PEAK1: variants seen among roughly 807,000 people sequenced by gnomAD.
The protein encoded by PEAK1 is pseudopodium enriched atypical kinase 1.
A neutral mutation model predicts 124.7 loss-of-function variants in PEAK1; 54 were observed. The observed-to-expected ratio is 0.43, with a 90% CI of 0.35 to 0.54. The LOEUF (loss-of-function observed/expected upper bound fraction) is 0.54. Ranked by LOEUF, PEAK1 falls within the 20% of genes least tolerant of loss-of-function variation. PEAK1 has a pLI of 0.01. For synonymous variants in PEAK1, 719 were observed against 760.0 expected, an observed-to-expected ratio of 0.95 and a Z score of 0.89; for missense variants, 2,046 against 2,134.5, an observed-to-expected ratio of 0.96 and a Z score of 0.82.
chr15:77,311,363 A>G lies in PEAK1; in HGVS notation c.-602-24859T>C, dbSNP rs74248525. 1.6e-3 allele frequency among the ~76,000 whole-genome samples: 249 copies of G among 152,254 alleles called. 7 individuals carry two copies. The East Asian group carries it at 0.043, about 26-fold the overall frequency. ...ATTTCAGGGTTGAAGGAATGTTCGGAAATAAATGAGGACATAGAAAATTAA... is the reference window on the plus strand; with the variant it reads ...ATTTCAGGGTTGAAGGAATGTTCGGGAATAAATGAGGACATAGAAAATTAA... On this transcript the variant is annotated intron_variant, in intron 2 of 9. Coordinates refer to ENST00000682557, the MANE Select transcript of PEAK1 (RefSeq NM_001385026.1).
intron 2 of PEAK1, chr15:77,348,672 T>C (rs1463546725): frequency 1.0e-6 from 1 of 985,298 alleles, no homozygotes; most frequent in Non-Finnish European, 1.2e-6. Context: ...ATCCAATTGA[T>C]GTCCATGATA....
chr15:77,228,212 C>T (rs1307807805), intron 6 of PEAK1, among the ~76,000 whole-genome samples: 1 of 151,956 alleles, frequency 6.6e-6, no homozygotes, highest in Non-Finnish European at 1.5e-5. Context: ...GTGTGCTGCA[C>T]CCATTAACTC....
chr15:77,295,718 C>T (rs903793893), intron 2 of PEAK1, among the ~76,000 whole-genome samples: 1 of 152,098 alleles, frequency 6.6e-6, no homozygotes, highest in Admixed American at 6.5e-5. Flanking sequence ...CTTATAGTTG[C>T]GGAACATCTA....
chr15:77,235,120 C>T (rs1019300860), intron 6 of PEAK1, among the ~76,000 whole-genome samples: 1 of 152,048 alleles, frequency 6.6e-6, no homozygotes, highest in Admixed American at 6.6e-5. Flanking sequence ...GTAAATTAAG[C>T]CTCTTTCCTT....
At chr15:77,277,436 G>A (rs2062393155) in intron 5 of PEAK1, among the ~76,000 whole-genome samples, 1 of 152,076 alleles carries the variant, frequency 6.6e-6, no homozygotes, top group South Asian at 2.1e-4. Flanking sequence ...ACCAAAGAAC[G>A]ATATACTACT....
chr15:77,161,647 C>G (rs956944518), intron 7 of PEAK1, among the ~76,000 whole-genome samples: 4 of 152,092 alleles, frequency 2.6e-5, no homozygotes, highest in Admixed American at 2.0e-4. Context: ...TGTCTTAATG[C>G]TTAAAGGAAG....
intron 2 of PEAK1, chr15:77,352,616 ATACTC>A: frequency 1.1e-6 from 1 of 950,708 alleles, no homozygotes; most frequent in Non-Finnish European, 1.3e-6. Context: ...ACTTCATACC[ATACTC>A]ATGAATAACT....
intron 7 of PEAK1, among the ~76,000 whole-genome samples, chr15:77,176,092 T>G (rs1433319196): frequency 6.7e-6 from 1 of 148,562 alleles, no homozygotes; most frequent in Non-Finnish European, 1.5e-5. Context: ...TCACACTCTG[T>G]GGACTGTTGT....
intron 6 of PEAK1, among the ~76,000 whole-genome samples, chr15:77,184,463 C>T (rs150479204): frequency 1.1e-3 from 165 of 152,250 alleles, no homozygotes; most frequent in African/African-American, 3.5e-3. Context: ...AATCCCACTC[C>T]TAGGTATTTA....
chr15:77,334,732 T>C, intron 2 of PEAK1: 1 of 985,006 alleles, frequency 1.0e-6, no homozygotes, highest in Non-Finnish European at 1.2e-6. Context: ...ATATTCTTGC[T>C]GTTTGTACAA....
intron 2 of PEAK1, among the ~76,000 whole-genome samples, chr15:77,322,079 A>C (rs2065256152): frequency 6.6e-6 from 1 of 152,232 alleles, no homozygotes; most frequent in Admixed American, 6.5e-5. Context: ...CTTTGAAACC[A>C]ACGAGAACAA....
At chr15:77,263,293 C>CA (rs1183463596) in intron 5 of PEAK1, among the ~76,000 whole-genome samples, 2 of 151,952 alleles carry the variant, frequency 1.3e-5, no homozygotes, top group African/African-American at 4.8e-5. Flanking sequence ...AAAAACACTT[C>CA]AAAAAAATCA....
At chr15:77,143,726 C>T (rs767737974) in intron 8 of PEAK1, among the ~76,000 whole-genome samples, 47 of 152,180 alleles carry the variant, frequency 3.1e-4, no homozygotes, top group Non-Finnish European at 6.2e-4. Context: ...CCAGAATTGA[C>T]CTTTCTTGGG....
intron 1 of PEAK1, chr15:77,404,124 T>C: frequency 1.0e-6 from 1 of 985,156 alleles, no homozygotes; most frequent in Non-Finnish European, 1.2e-6. Context: ...ACTACAAATT[T>C]AACACTTGTG....
At chr15:77,241,472 T>C (rs886175973) in intron 6 of PEAK1, among the ~76,000 whole-genome samples, 1 of 152,120 alleles carries the variant, frequency 6.6e-6, no homozygotes, top group African/African-American at 2.4e-5. Context: ...CTGAAAGTTT[T>C]AGTGCAATAG....
rs1451338217 is a variant in PEAK1 at position 77,369,002 on chromosome 15, A to G, written c.-665-3777T>C. 2.0e-5 allele frequency among the ~76,000 whole-genome samples: 3 copies of G among 152,238 alleles called. No homozygotes were observed. In the East Asian group the frequency reaches 5.8e-4, roughly 29 times the overall value. ...AACTATACAATATGTTGCCTTCTCAAGTTTGACATTTGCACTTACATGTTG... is the reference window on the plus strand; with the variant it reads ...AACTATACAATATGTTGCCTTCTCAGGTTTGACATTTGCACTTACATGTTG... On this transcript the variant is annotated intron_variant, in intron 1 of 9. Coordinates refer to ENST00000682557, the MANE Select transcript of PEAK1 (RefSeq NM_001385026.1).
chr15:77,341,047 G>A (rs1480308388), intron 2 of PEAK1, among the ~76,000 whole-genome samples: 2 of 151,782 alleles, frequency 1.3e-5, no homozygotes, highest in African/African-American at 2.4e-5. Flanking sequence ...GATCTCCTGG[G>A]CTCAAACAAT....
chr15:77,126,507 C>T (rs2052384276), intron 9 of PEAK1, among the ~76,000 whole-genome samples: 1 of 151,848 alleles, frequency 6.6e-6, no homozygotes, highest in African/African-American at 2.4e-5. Context: ...AAGCCAAAGC[C>T]TAATGTTAAG....
At chr15:77,256,831 T>A (rs1246897056) in intron 5 of PEAK1, among the ~76,000 whole-genome samples, 1 of 152,068 alleles carries the variant, frequency 6.6e-6, no homozygotes, top group Non-Finnish European at 1.5e-5. Flanking sequence ...ACCCATTAAC[T>A]CGTCATTTAG....
Sources: allele counts gnomAD v4.1 joint callset (sites outside exome capture counted in the v4.1 genomes callset), GRCh38; gene constraint gnomAD v4.1.1; transcripts MANE v1.5; gene names NCBI Gene and HGNC (gene_info 2026-07-23, HGNC 2026-07-21).